Variants in RYR3 observed in about 807,000 individuals in gnomAD.
The protein encoded by RYR3 is brain ryanodine receptor-calcium release channel.
A neutral mutation model predicts 584.3 loss-of-function variants in RYR3; 207 were observed. The ratio of observed to expected loss-of-function variants is 0.35; its 90% CI spans 0.32 to 0.40. The LOEUF (loss-of-function observed/expected upper bound fraction) is 0.40. Among genes scored for constraint, RYR3 ranks in the 10% least tolerant of loss-of-function variants. The probability of loss-of-function intolerance (pLI) is 1.00; values close to 1 mark genes in which losing one functional copy is unlikely to be tolerated. For missense variants in RYR3, 5,616 were observed against 6,089.2 expected (o/e 0.92, Z 2.59); for synonymous variants, 2,416 against 2,248.5 (o/e 1.07, Z -2.11).
At chr15:33,588,451 T>C (rs2058965235) in intron 16 of RYR3, among the ~76,000 whole-genome samples, 1 of 152,214 alleles carries the variant, frequency 6.6e-6, no homozygotes, top group African/African-American at 2.4e-5. Flanking sequence ...CTAGAAAGCA[T>C]TTCCTTTGCT....
rs536456411 is a variant in RYR3, at chr15:33,492,386, G to T, written c.172-11245G>T. Among the ~76,000 whole-genome samples, 262 of 151,484 alleles carry T rather than the reference G, an allele frequency of 1.7e-3. 1 individual carries two copies. The highest frequency in any genetic ancestry group is 8.6e-3 in the South Asian group (41 of 4,792). On this transcript the variant is annotated intron_variant, in intron 2 of 103. Transcript: ENST00000634891. ...AAAGGTATTTTCCACAAACATTTTTGAATATCTGTCCATGTACTGCTGCTA... is the reference window on the plus strand; with the variant it reads ...AAAGGTATTTTCCACAAACATTTTTTAATATCTGTCCATGTACTGCTGCTA...
intron 44 of RYR3, 80 bp from the exon 45 acceptor site, chr15:33,723,985 C>A: frequency 1.4e-6 from 1 of 718,408 alleles, no homozygotes; most frequent in East Asian, 2.6e-5. Context: ...CAGAGTGCTT[C>A]CATATCAAGC....
At chr15:33,483,190 ATC>A (rs563406714) in intron 2 of RYR3, among the ~76,000 whole-genome samples, 131 of 151,768 alleles carry the variant, frequency 8.6e-4, no homozygotes, top group Non-Finnish European at 1.6e-3. Context: ...CCCTTCCATT[ATC>A]TCTCTCTTCT....
chr15:33,660,266 C>T lies in RYR3; in HGVS notation c.4465C>T (p.Arg1489Trp), dbSNP rs761328976. ...GAACCCAGTCCCACAGTGTCCACCT[C>T]GGCTGGACGTCCAAACCATCCAGCC... ...EKNPVPQCPP[R>W]LDVQTIQPVL... is the part of the protein sequence containing the mutation. The change falls in exon 34 of 104, where the codon CGG (arginine) becomes TGG (tryptophan). Residue 1489 changes from arginine to tryptophan, a missense_variant. Physicochemically the swap from Arg to Trp is moderately radical, Grantham distance 101. Around this residue, in one of 9 missense-constraint regions of RYR3, gnomAD observed 753 missense variants for 741.0 expected, o/e 1.02. Coordinates refer to ENST00000634891, the MANE Select transcript of RYR3 (RefSeq NM_001036.6). 7.7e-6 allele frequency: 12 copies of T among 1,556,072 alleles called. No individual in the cohort carries two copies. Among genetic ancestry groups the T allele is most frequent in the Middle Eastern group, 1.7e-4 (1 of 6,024 alleles).
intron 38 of RYR3, among the ~76,000 whole-genome samples, chr15:33,672,666 T>A (rs139951337): frequency 1.4e-4 from 22 of 152,372 alleles, no homozygotes; most frequent in African/African-American, 2.6e-4. Context: ...TACAGAACCA[T>A]ATGCATTAAA....
At chr15:33,454,467 C>T (rs1220105307) in intron 1 of RYR3, among the ~76,000 whole-genome samples, 3 of 152,204 alleles carry the variant, frequency 2.0e-5, no homozygotes, top group Non-Finnish European at 1.5e-5. Flanking sequence ...AAACTCCATC[C>T]ATCATCCAGT....
At chr15:33,863,107 A>C (rs1326019053) in intron 102 of RYR3, among the ~76,000 whole-genome samples, 1 of 152,114 alleles carries the variant, frequency 6.6e-6, no homozygotes, top group Admixed American at 6.6e-5. Context: ...GTGCCTTCCC[A>C]TGGCACTGTT....
intron 37 of RYR3, among the ~76,000 whole-genome samples, chr15:33,669,857 G>GGGGGGGGGGGGGGGGGGGGGT (rs1555401713): frequency 1.7e-5 from 1 of 60,220 alleles, no homozygotes; most frequent in Non-Finnish European, 3.1e-5. Flanking sequence ...GGGGGGGGGG[G>GGGGGGGGGGGGGGGGGGGGGT]GTGTGGGTGT....
intron 94 of RYR3, chr15:33,852,234 G>A (rs2079178526): frequency 6.6e-6 from 1 of 152,122 alleles, no homozygotes; most frequent in African/African-American, 2.4e-5. Flanking sequence ...CTGCAATCCA[G>A]TCTTACAAGG....
At chr15:33,714,982 G>A (rs2067393155) in intron 43 of RYR3, among the ~76,000 whole-genome samples, 1 of 152,188 alleles carries the variant, frequency 6.6e-6, no homozygotes, top group Admixed American at 6.5e-5. Flanking sequence ...CCAAAATGAT[G>A]GTGTTTATTG....
intron 38 of RYR3, among the ~76,000 whole-genome samples, chr15:33,678,568 A>G (rs1417724204): frequency 1.3e-5 from 2 of 152,216 alleles, no homozygotes; most frequent in Non-Finnish European, 1.5e-5. Context: ...GAATGGACTA[A>G]TACATTATGA....
At chr15:33,341,713 A>T (rs1173463082) in intron 1 of RYR3, among the ~76,000 whole-genome samples, 5 of 152,170 alleles carry the variant, frequency 3.3e-5, no homozygotes, top group African/African-American at 1.2e-4. Flanking sequence ...AAAGGCTGAT[A>T]TTAGAGGCTC....
intron 3 of RYR3, among the ~76,000 whole-genome samples, chr15:33,507,620 C>A (rs2052592859): frequency 6.6e-6 from 1 of 152,124 alleles, no homozygotes; most frequent in Non-Finnish European, 1.5e-5. Flanking sequence ...GGACATGGAG[C>A]CAAAAGAGAT....
chr15:33,715,507 T>C (rs1183228266), intron 43 of RYR3, among the ~76,000 whole-genome samples: 2 of 152,234 alleles, frequency 1.3e-5, no homozygotes, highest in African/African-American at 2.4e-5. Context: ...ATATGGCTAG[T>C]TGCAGCTGGA....
intron 38 of RYR3, among the ~76,000 whole-genome samples, chr15:33,671,142 G>T (rs978546793): frequency 1.3e-5 from 2 of 152,010 alleles, no homozygotes; most frequent in African/African-American, 4.8e-5. Flanking sequence ...GACTCCTACC[G>T]TTTTGACCCA....
intron 18 of RYR3, among the ~76,000 whole-genome samples, chr15:33,606,713 A>G (rs1033935557): frequency 9.2e-5 from 14 of 152,124 alleles, no homozygotes; most frequent in Admixed American, 3.9e-4. Context: ...TGGAGACTCA[A>G]TGGGGCTTTC....
chr15:33,712,636 G>GT (rs1232905142), intron 43 of RYR3, among the ~76,000 whole-genome samples: 2 of 152,144 alleles, frequency 1.3e-5, no homozygotes, highest in Non-Finnish European at 2.9e-5. Flanking sequence ...GTTGCCACAG[G>GT]TGAAGGCATG....
intron 84 of RYR3, among the ~76,000 whole-genome samples, 191 bp downstream of exon 84, chr15:33,826,943 A>G (rs1265076465): frequency 6.6e-6 from 1 of 152,206 alleles, no homozygotes; most frequent in Non-Finnish European, 1.5e-5. Context: ...TGCTTCCAGA[A>G]TCTTCAGATG....
intron 15 of RYR3, among the ~76,000 whole-genome samples, 157 bp from the exon 16 acceptor site, chr15:33,585,841 G>T (rs906962607): frequency 2.6e-5 from 4 of 152,160 alleles, no homozygotes; most frequent in Non-Finnish European, 5.9e-5. Context: ...TACCGGAAAT[G>T]ATGCATTTTT....
Sources: gnomAD v4.1 joint callset for allele counts (sites outside exome capture counted in the v4.1 genomes callset) on GRCh38, gnomAD v4.1.1 for gene constraint, gnomAD v4.1.1 regional missense constraint, MANE v1.5 for transcripts, NCBI Gene and HGNC (gene_info 2026-07-23, HGNC 2026-07-21) for gene names.